Variants in PRKN observed in about 807,000 individuals in gnomAD.
PRKN encodes the protein E3 ubiquitin-protein ligase parkin.
Under a neutral mutation model 59.5 loss-of-function variants are expected in PRKN, and 56 were observed. The ratio of observed to expected loss-of-function variants is 0.94; its 90% CI spans 0.76 to 1.18. The LOEUF (loss-of-function observed/expected upper bound fraction) is 1.18, where lower values mean the gene tolerates loss of function less well. PRKN is among the 50% of genes most tolerant of loss of function. PRKN has a pLI of 0.00. For synonymous variants in PRKN, 250 were observed against 222.1 expected (o/e 1.13, Z -1.12); for missense variants, 657 against 596.4 (o/e 1.10, Z -1.06).
intron 1 of PRKN, among the ~76,000 whole-genome samples, chr6:162,678,056 AGTTTAT>A (rs1278118624): frequency 6.6e-6 from 1 of 152,170 alleles, no homozygotes; most frequent in African/African-American, 2.4e-5. Context: ...CAAATCACAC[AGTTTAT>A]ATTCTTTTGT....
In PRKN at chr6:162,062,685, A is replaced by T. The variant is rs145933731; in HGVS notation, c.535-8511T>A. ...AGCCTGCTGACACACGTTGATCTCGACTTCTAGCTGCCAGAAATGTGAGAA... is the reference window on the plus strand; with the variant it reads ...AGCCTGCTGACACACGTTGATCTCGTCTTCTAGCTGCCAGAAATGTGAGAA... On this transcript the variant is annotated intron_variant, in intron 4 of 11. Coordinates refer to ENST00000366898, the MANE Select transcript of PRKN (RefSeq NM_004562.3). Among the ~76,000 whole-genome samples the T allele has an allele frequency of 2.5e-3, 380 of 152,186 alleles. 1 individual carries two copies. The highest frequency in any genetic ancestry group is 3.9e-3 in the Non-Finnish European group (264 of 67,998).
intron 1 of PRKN, among the ~76,000 whole-genome samples, chr6:162,534,928 G>C (rs190690090): frequency 2.6e-5 from 4 of 152,188 alleles, no homozygotes; most frequent in African/African-American, 4.8e-5. Flanking sequence ...CAGAGGAGAA[G>C]CATCCTTACC....
At chr6:161,885,006 A>T (rs1402203805) in intron 6 of PRKN, among the ~76,000 whole-genome samples, 1 of 151,962 alleles carries the variant, frequency 6.6e-6, no homozygotes. Flanking sequence ...TCTGTAGTTT[A>T]TAGACCCCTG....
At chr6:161,732,991 G>A (rs1001609695) in intron 7 of PRKN, among the ~76,000 whole-genome samples, 3 of 152,068 alleles carry the variant, frequency 2.0e-5, no homozygotes, top group Admixed American at 6.5e-5. Flanking sequence ...GAACCTCTCA[G>A]TAAAGATTGC....
chr6:162,096,775 C>CA (rs1554270332), intron 4 of PRKN, among the ~76,000 whole-genome samples: 1 of 143,194 alleles, frequency 7.0e-6, no homozygotes, highest in East Asian at 2.0e-4. Context: ...CATTTAACCT[C>CA]TTTTTTTTTT....
chr6:162,556,364 T>TGTGTGCGC (rs1554243420), intron 1 of PRKN, among the ~76,000 whole-genome samples: 5 of 91,172 alleles, frequency 5.5e-5, no homozygotes, highest in Admixed American at 4.8e-4. Context: ...TGTGTGTGTG[T>TGTGTGCGC]GTGTGTGTGT....
At chr6:162,695,799 A>G (rs1777944823) in intron 1 of PRKN, among the ~76,000 whole-genome samples, 1 of 152,216 alleles carries the variant, frequency 6.6e-6, no homozygotes, top group African/African-American at 2.4e-5. Flanking sequence ...TAACTTAAAG[A>G]ATATTGAAAT....
At position 161,836,051 on chromosome 6, in the gene PRKN, G is replaced by T. The variant is rs548121511; in HGVS notation, c.735-50143C>A. Among the ~76,000 whole-genome samples the T allele has an allele frequency of 1.1e-3, 160 of 152,154 alleles. 1 individual carries two copies. Among genetic ancestry groups the T allele is most frequent in the Non-Finnish European group, 7.4e-4 (50 of 68,022 alleles). On this transcript the variant is annotated intron_variant, in intron 6 of 11. Transcript: ENST00000366898. The stretch of plus-strand genomic sequence containing the variant: ...GATGACAGGCTTTTTTCTTTAAAAA[G>T]GGGGTGGCCCCTAAATAGCTTCCTT...
chr6:162,267,832 C>CTCTCATCT (rs767582903), intron 2 of PRKN, among the ~76,000 whole-genome samples: 5 of 152,068 alleles, frequency 3.3e-5, no homozygotes, highest in Non-Finnish European at 5.9e-5. Context: ...CAATGATCAA[C>CTCTCATCT]TCTCATCTGG....
At chr6:162,205,975 G>A (rs1200345467) in intron 3 of PRKN, among the ~76,000 whole-genome samples, 3 of 152,114 alleles carry the variant, frequency 2.0e-5, no homozygotes, top group Non-Finnish European at 4.4e-5. Flanking sequence ...AGACTCACTG[G>A]GCAGTGAAAC....
chr6:161,605,514 CT>C (rs71704943), intron 7 of PRKN, among the ~76,000 whole-genome samples: 22,449 of 142,472 alleles, frequency 0.16, 5,064 homozygotes, highest in African/African-American at 0.5. Flanking sequence ...TGCCCTCTCT[CT>C]TTTTTTTTTT....
In PRKN at chr6:161,467,634, G is replaced by A. The variant is rs531261523; in HGVS notation, c.1084-80757C>T. On this transcript the variant is annotated intron_variant, in intron 9 of 11. Coordinates refer to ENST00000366898, the MANE Select transcript of PRKN (RefSeq NM_004562.3). This position sits in a 1 kb window ranked among gnomAD's most constrained non-coding sequence, Gnocchi z 4.3. ...GGGAAGGCTTCCTGGAGATGATGAC[G>A]CTTGAGAGGAGTCTCAAAGGATGTG... is the stretch of plus-strand genomic sequence containing the variant. Among the ~76,000 whole-genome samples the A allele has an allele frequency of 6.6e-6, 1 of 152,298 alleles. No individual in the cohort carries two copies. Among genetic ancestry groups the A allele is most frequent in the East Asian group, 1.9e-4 (1 of 5,174 alleles).
At chr6:162,221,261 T>A (rs955283430) in intron 3 of PRKN, among the ~76,000 whole-genome samples, 12 of 152,210 alleles carry the variant, frequency 7.9e-5, no homozygotes, top group African/African-American at 2.7e-4. Context: ...ATCTTGCATT[T>A]GCTGCTAGTT....
chr6:162,685,060 T>C (rs1211286405), intron 1 of PRKN, among the ~76,000 whole-genome samples: 2 of 152,194 alleles, frequency 1.3e-5, no homozygotes, highest in African/African-American at 2.4e-5. Context: ...TTCCTAACCA[T>C]GTACAAACCA....
At chr6:162,692,456 G>A (rs1162311977) in intron 1 of PRKN, among the ~76,000 whole-genome samples, 5 of 152,110 alleles carry the variant, frequency 3.3e-5, no homozygotes, top group South Asian at 2.1e-4. Context: ...GCAAACACCC[G>A]TTCTAGTTCA....
chr6:161,957,789 CA>C (rs1459613775), intron 6 of PRKN, among the ~76,000 whole-genome samples: 1 of 152,122 alleles, frequency 6.6e-6, no homozygotes, highest in African/African-American at 2.4e-5. Context: ...TATCGCTAGA[CA>C]CCACTCCAGA....
At chr6:162,377,766 A>C (rs1444672870) in intron 2 of PRKN, among the ~76,000 whole-genome samples, 1 of 152,226 alleles carries the variant, frequency 6.6e-6, no homozygotes, top group East Asian at 1.9e-4. Context: ...GTAAGAGGAC[A>C]GCACGGAGAT....
chr6:161,761,865 A>G (rs895669119), intron 7 of PRKN, among the ~76,000 whole-genome samples: 25 of 152,210 alleles, frequency 1.6e-4, no homozygotes, highest in Non-Finnish European at 3.4e-4. Flanking sequence ...ATTTAAGTGG[A>G]TTTATCAAGA....
At chr6:162,305,121 A>G (rs1170792045) in intron 2 of PRKN, among the ~76,000 whole-genome samples, 1 of 152,172 alleles carries the variant, frequency 6.6e-6, no homozygotes, top group Non-Finnish European at 1.5e-5. Context: ...AGAAGTGGAA[A>G]GTGCTGCAGA....
Sources: gnomAD v4.1 joint callset for allele counts (sites outside exome capture counted in the v4.1 genomes callset) on GRCh38, gnomAD v4.1.1 for gene constraint, Gnocchi (gnomAD v3.1) non-coding constraint, MANE v1.5 for transcripts, NCBI Gene and HGNC (gene_info 2026-07-23, HGNC 2026-07-21) for gene names.